Variants in GALNTL6 observed in about 807,000 individuals in gnomAD.
GALNTL6 encodes polypeptide N-acetylgalactosaminyltransferase-like 6.
Under a neutral mutation model 73.7 loss-of-function variants are expected in GALNTL6, and 46 were observed. That is an observed-to-expected ratio of 0.62 (90% CI 0.49 to 0.80). The LOEUF (loss-of-function observed/expected upper bound fraction) is 0.80. GALNTL6 is among the 30% of genes least tolerant of loss of function. GALNTL6 has a pLI of 0.00. For synonymous variants in GALNTL6, 259 were observed against 263.7 expected (o/e 0.98, Z 0.17); for missense variants, 604 against 755.0 (o/e 0.80, Z 2.34).
chr4:172,849,469 G>A (rs1743695049), intron 7 of GALNTL6, among the ~76,000 whole-genome samples: 2 of 152,100 alleles, frequency 1.3e-5, no homozygotes, highest in African/African-American at 2.4e-5. Context: ...TCTTAGAATA[G>A]GCTCTCAAAA....
chr4:172,695,556 T>C (rs1382676691), intron 5 of GALNTL6, among the ~76,000 whole-genome samples: 4 of 152,358 alleles, frequency 2.6e-5, no homozygotes, highest in Admixed American at 1.3e-4. Flanking sequence ...TAGAGGCTGA[T>C]TATTTTTATC....
chr4:172,208,581 G>A (rs142223605), intron 2 of GALNTL6, among the ~76,000 whole-genome samples: 31 of 152,122 alleles, frequency 2.0e-4, no homozygotes, highest in East Asian at 1.4e-3. Context: ...TAAATACTCC[G>A]CAAAGCTGGG....
At chr4:172,196,324 A>T (rs931415596) in intron 2 of GALNTL6, among the ~76,000 whole-genome samples, 5 of 152,174 alleles carry the variant, frequency 3.3e-5, no homozygotes, top group Admixed American at 2.0e-4. Flanking sequence ...AACCAAAAAA[A>T]TCCCAGGACC....
chr4:172,088,012 A>G (rs989629158), intron 2 of GALNTL6, among the ~76,000 whole-genome samples: 19 of 152,288 alleles, frequency 1.2e-4, no homozygotes, highest in African/African-American at 4.6e-4. Flanking sequence ...CCTTATTAAG[A>G]CTATATGAAT....
rs375584789 is a variant in GALNTL6, at chr4:171,987,885, G to C, written c.138+173167G>C. On this transcript the variant is annotated intron_variant, in intron 2 of 12. Coordinates refer to ENST00000506823, the MANE Select transcript of GALNTL6 (RefSeq NM_001034845.3). ...AGAGATACAGTCATGGGGGTCAGGT[G>C]TGGTATCAGGAATAATGTGGAAGTC... 2.5e-4 allele frequency among the ~76,000 whole-genome samples: 38 copies of C among 152,286 alleles called. No individual in the cohort carries two copies. The East Asian group carries it at 2.9e-3, about 12-fold the overall frequency.
intron 2 of GALNTL6, among the ~76,000 whole-genome samples, chr4:172,015,891 C>A (rs1256845487): frequency 6.9e-6 from 1 of 145,786 alleles, no homozygotes; most frequent in Non-Finnish European, 1.5e-5. Context: ...TTATAAGCTA[C>A]CTGCTGAGAA....
At chr4:172,796,173 T>A (rs905485200) in intron 5 of GALNTL6, among the ~76,000 whole-genome samples, 1 of 151,942 alleles carries the variant, frequency 6.6e-6, no homozygotes, top group African/African-American at 2.4e-5. Flanking sequence ...AGCACATAAT[T>A]CCCTGTATTA....
At chr4:172,704,792 A>G (rs1423451836) in intron 5 of GALNTL6, among the ~76,000 whole-genome samples, 1 of 151,926 alleles carries the variant, frequency 6.6e-6, no homozygotes, top group Admixed American at 6.6e-5. Context: ...GGGATGTGGA[A>G]GTCTTGTACC....
intron 5 of GALNTL6, among the ~76,000 whole-genome samples, chr4:172,671,688 C>T (rs1046719724): frequency 5.3e-5 from 8 of 152,218 alleles, no homozygotes; most frequent in Admixed American, 1.3e-4. Context: ...ACTTCCAATA[C>T]TATGTTGAGT....
chr4:172,805,019 A>G (rs958517430), intron 5 of GALNTL6, among the ~76,000 whole-genome samples: 12 of 152,210 alleles, frequency 7.9e-5, no homozygotes, highest in African/African-American at 2.9e-4. Context: ...AGGGGACTGA[A>G]TCTACTCAGT....
intron 5 of GALNTL6, among the ~76,000 whole-genome samples, chr4:172,653,373 C>A (rs1315282887): frequency 6.6e-6 from 1 of 151,986 alleles, no homozygotes; most frequent in Non-Finnish European, 1.5e-5. Context: ...GCTTATGCCA[C>A]CATACCTGGC....
intron 5 of GALNTL6, among the ~76,000 whole-genome samples, chr4:172,429,326 C>T (rs1731356140): frequency 2.0e-5 from 3 of 151,986 alleles, no homozygotes; most frequent in Non-Finnish European, 1.5e-5. Flanking sequence ...ATTCTCCTGC[C>T]TCAGCCTCCA....
chr4:172,913,142 C>T (rs2111268134), intron 8 of GALNTL6, among the ~76,000 whole-genome samples: 1 of 152,268 alleles, frequency 6.6e-6, no homozygotes, highest in East Asian at 1.9e-4. Context: ...AACAGATCTG[C>T]AGCTAAGGGT....
At chr4:172,426,793 G>A (rs985402698) in intron 5 of GALNTL6, among the ~76,000 whole-genome samples, 6 of 152,084 alleles carry the variant, frequency 3.9e-5, no homozygotes, top group Non-Finnish European at 8.8e-5. Flanking sequence ...AGTGCCACTA[G>A]GCTGAAGAGA....
intron 2 of GALNTL6, among the ~76,000 whole-genome samples, chr4:172,200,216 C>T (rs551296276): frequency 6.6e-6 from 1 of 152,206 alleles, no homozygotes; most frequent in African/African-American, 2.4e-5. Flanking sequence ...TGATGTTTCA[C>T]TAATAAGTGT....
At chr4:171,829,489 G>A (rs1734910439) in intron 2 of GALNTL6, among the ~76,000 whole-genome samples, 2 of 152,060 alleles carry the variant, frequency 1.3e-5, no homozygotes, top group South Asian at 4.1e-4. Context: ...CTATTTCACT[G>A]CCAAGACTCC....
At chr4:171,984,284 T>C (rs1740000270) in intron 2 of GALNTL6, among the ~76,000 whole-genome samples, 1 of 152,174 alleles carries the variant, frequency 6.6e-6, no homozygotes, top group Non-Finnish European at 1.5e-5. Context: ...TTTCAAGACT[T>C]TTATTTCAAA....
At chr4:172,757,070 C>T (rs1157833436) in intron 5 of GALNTL6, among the ~76,000 whole-genome samples, 2 of 152,020 alleles carry the variant, frequency 1.3e-5, no homozygotes, top group Admixed American at 1.3e-4. Flanking sequence ...TATTAATTGG[C>T]CCTGTAACTA....
In GALNTL6 at chr4:171,993,378, C is replaced by A. The variant is rs535091062; in HGVS notation, c.138+178660C>A. Among the ~76,000 whole-genome samples the A allele has an allele frequency of 3.3e-5, 5 of 151,330 alleles. No homozygotes were observed. The South Asian group carries it at 1.0e-3, about 31-fold the overall frequency. On this transcript the variant is annotated intron_variant, in intron 2 of 12. Coordinates refer to ENST00000506823, the MANE Select transcript of GALNTL6 (RefSeq NM_001034845.3). Reference sequence around the variant, plus strand: ...GAAAATATTGGCAATGCTAACAGGACACATGTTAGTTCAACTGTATGGAGA... The same window carrying A: ...GAAAATATTGGCAATGCTAACAGGAAACATGTTAGTTCAACTGTATGGAGA...
Sources: gnomAD v4.1 joint callset for allele counts (sites outside exome capture counted in the v4.1 genomes callset) on GRCh38, gnomAD v4.1.1 for gene constraint, MANE v1.5 for transcripts, NCBI Gene and HGNC (gene_info 2026-07-23, HGNC 2026-07-21) for gene names.